PROZ: variants seen among roughly 807,000 people sequenced by gnomAD.
PROZ encodes the protein protein Z, vitamin K dependent plasma glycoprotein, also known as vitamin K-dependent protein Z.
PROZ carries 46 observed loss-of-function variants against 34.9 expected under a neutral mutation model. The ratio of observed to expected loss-of-function variants is 1.32; its 90% CI spans 1.04 to 1.69. The LOEUF (loss-of-function observed/expected upper bound fraction) is 1.69, where lower values mean the gene tolerates loss of function less well. Among genes scored for constraint, PROZ ranks in the 40% most tolerant of loss-of-function variants. The probability of loss-of-function intolerance (pLI) is 0.00; values close to 1 mark genes in which losing one functional copy is unlikely to be tolerated. For synonymous variants in PROZ, 195 were observed against 208.5 expected, an observed-to-expected ratio of 0.94 and a Z score of 0.56; for missense variants, 530 against 520.4, an observed-to-expected ratio of 1.02 and a Z score of -0.18.
intron 5 of PROZ, 95 bp from the exon 6 acceptor site, chr13:113,164,958 A>C: frequency 8.1e-7 from 1 of 1,241,676 alleles, no homozygotes; most frequent in Non-Finnish European, 1.2e-6. Context: ...TTAGTACCAT[A>C]GACGGAATTA....
intron 3 of PROZ, among the ~76,000 whole-genome samples, chr13:113,162,012 T>C (rs371752576): frequency 2.4e-3 from 4 of 1,656 alleles, no homozygotes; most frequent in Non-Finnish European, 0.028. Context: ...TGCCACCTCC[T>C]CACATCCTCC....
In PROZ at chr13:113,172,368, A is replaced by C; in HGVS notation, c.*263A>C. The C allele has an allele frequency of 2.3e-5, 11 of 481,196 alleles. No homozygotes were observed. The highest frequency in any genetic ancestry group is 8.2e-5 in the East Asian group (2 of 24,400). The allele number at this position is 481,196 out of a possible 1,614,324, so 29.8% of individuals were successfully genotyped here. On this transcript the variant is annotated 3_prime_UTR_variant, in exon 8 of 8. Transcript: ENST00000375547. ...ATACGTTAAATAATAAAATAAGATA[A>C]TCTGTCAGTCATAAAGCAGCCTGGT...
intron 6 of PROZ, among the ~76,000 whole-genome samples, chr13:113,166,732 C>T (rs979024207): frequency 6.6e-6 from 1 of 152,204 alleles, no homozygotes; most frequent in Non-Finnish European, 1.5e-5. Flanking sequence ...TTCTTCCTAT[C>T]GCTGTCTGCC....
At chr13:113,166,592 A>G (rs759905865) in intron 6 of PROZ, among the ~76,000 whole-genome samples, 4 of 152,248 alleles carry the variant, frequency 2.6e-5, no homozygotes, top group Admixed American at 6.5e-5. Context: ...GTGGAGAGGA[A>G]GAAACCGAAG....
At chr13:113,170,361 CT>C (rs2037075429) in intron 6 of PROZ, 51 bp from the exon 7 acceptor site, 3 of 1,172,400 alleles carry the variant, frequency 2.6e-6, no homozygotes, top group East Asian at 4.7e-5. Flanking sequence ...TTTACTGCCC[CT>C]AATCCTGCAA....
At position 113,172,020 on chromosome 13, in the gene PROZ, C is replaced by T. The variant is rs141423743; in HGVS notation, c.1118C>T (p.Ser373Leu). Residue 373 changes from serine (S) to leucine (L), a missense_variant, in exon 8 of 8, where the codon TCG (serine) becomes TTG (leucine). By Grantham distance (145) the Ser-to-Leu change is moderately radical (BLOSUM62 -2). Transcript: ENST00000375547. ...GSWFLTGVLG[S>L]QPVGGQAHMV... ...TGGTTTCTCACGGGGGTCCTGGGCT[C>T]GCAGCCAGTAGGAGGGCAGGCTCAC... The T allele has an allele frequency of 4.6e-5, 75 of 1,612,954 alleles. No homozygotes were observed. Among genetic ancestry groups the T allele is most frequent in the African/African-American group, 1.9e-4 (14 of 75,046 alleles).
rs45487304 is a variant in PROZ, at chr13:113,161,063, C to A, written c.259+91C>A. On this transcript the variant is annotated intron_variant, in intron 3 of 7. Coordinates refer to ENST00000375547, the MANE Select transcript of PROZ (RefSeq NM_003891.3). ...AGGACGCTTCACGACCCCAGCTCAG[C>A]GGATGCCAAGCCTCTGGCTCCAGGA... The A allele has an allele frequency of 2.4e-3, 2,826 of 1,157,118 alleles. 11 individuals carry two copies. The highest frequency in any genetic ancestry group is 2.8e-3 in the Non-Finnish European group (2,149 of 765,480). The allele number at this position is 1,157,118 out of a possible 1,614,324, so 71.7% of individuals were successfully genotyped here.
rs998316615 is a variant in PROZ at position 113,164,755 on chromosome 13, G to A, written c.505+111G>A. 4.0e-6 allele frequency: 6 copies of A among 1,507,572 alleles called. No individual in the cohort carries two copies. In the African/African-American group the frequency reaches 6.9e-5, roughly 17 times the overall value. The allele number at this position is 1,507,572 out of a possible 1,614,324, so 93.4% of individuals were successfully genotyped here. On this transcript the variant is annotated intron_variant, in intron 5 of 7. Transcript: ENST00000375547. ...GCCCGCGGATTTGTGATAAGCAGTT[G>A]CCACGACTCAGAAGGTGGTCCGCGT...
At position 113,171,449 on chromosome 13, in the gene PROZ, A is replaced by C. The variant is rs1247561904; in HGVS notation, c.692-145A>C. Reference sequence around the variant, plus strand: ...GGCCTTTCTGTCCGCAGAAAGGCACAGTGTCCACACCACGGGGCGGTGAGC... The same window carrying C: ...GGCCTTTCTGTCCGCAGAAAGGCACCGTGTCCACACCACGGGGCGGTGAGC... On this transcript the variant is annotated intron_variant, in intron 7 of 7. Transcript: ENST00000375547. This position sits in a 1 kb window ranked among gnomAD's most constrained non-coding sequence, Gnocchi z 5.1. 1 of 918,486 alleles carries C rather than the reference A, an allele frequency of 1.1e-6. No homozygotes were observed. The highest frequency in any genetic ancestry group is 2.4e-5 in the Admixed American group (1 of 42,380). The allele number at this position is 918,486 out of a possible 1,614,324, so 56.9% of individuals were successfully genotyped here.
chr13:113,159,343 T>TC lies in PROZ; in HGVS notation c.70+619dup, dbSNP rs1308731485. On this transcript the variant is annotated intron_variant, in intron 1 of 7. Transcript: ENST00000375547. The surrounding 1 kb of genome is among the most constrained non-coding windows in gnomAD (Gnocchi z 4.6). ...ATGGTCTCCCACCCTGAGAGGGTGA[T>TC]CCCCCCGCCCTGCCCTGCCCAGCAC... 4.3e-6 allele frequency: 6 copies of TC among 1,397,508 alleles called. No individual in the cohort carries two copies. The highest frequency in any genetic ancestry group is 1.4e-5 in the African/African-American group (1 of 69,372). The allele number at this position is 1,397,508 out of a possible 1,614,324, so 86.6% of individuals were successfully genotyped here. A position where few individuals can be genotyped will look rare whatever the true frequency, so the allele number is the denominator to read the frequency against.
chr13:113,168,475 C>T (rs1452058142), intron 6 of PROZ, among the ~76,000 whole-genome samples: 1 of 152,270 alleles, frequency 6.6e-6, no homozygotes, highest in South Asian at 2.1e-4. Flanking sequence ...CTTGGGCCTG[C>T]CCCACTGCCT....
rs200473651 is a variant in PROZ at position 113,171,849 on chromosome 13, C to A, written c.947C>A (p.Thr316Lys). ...ACTGACCTGGGCAACTCGCTGACCA[C>A]GCGGCCTGTCACACTTGTGGAGGGG... ...NGTDLGNSLT[T>K]RPVTLVEGEE... The change falls in exon 8 of 8, where the codon ACG becomes AAG. Residue 316 changes from threonine (T) to lysine (K), a missense_variant. Physicochemically the swap from Thr to Lys is moderately conservative, Grantham distance 78. Coordinates refer to ENST00000375547, the MANE Select transcript of PROZ (RefSeq NM_003891.3). The surrounding 1 kb of genome is among the most constrained non-coding windows in gnomAD (Gnocchi z 5.1). 7 of 1,613,514 alleles carry A rather than the reference C, an allele frequency of 4.3e-6. No individual in the cohort carries two copies. The highest frequency in any genetic ancestry group is 5.9e-6 in the Non-Finnish European group (7 of 1,180,042).
Position 113,159,929 on chromosome 13 carries a change from C to T in PROZ, c.71-85C>T, listed in dbSNP as rs533322243. 6.5e-6 allele frequency: 10 copies of T among 1,533,166 alleles called. No individual in the cohort carries two copies. The highest frequency in any genetic ancestry group is 2.7e-5 in the African/African-American group (2 of 73,294). 95.0% of individuals were successfully genotyped at this position (1,533,166 alleles called of 1,614,324 possible). On this transcript the variant is annotated intron_variant, in intron 1 of 7. Transcript: ENST00000375547. The surrounding 1 kb of genome is among the most constrained non-coding windows in gnomAD (Gnocchi z 4.6). ...TGGAGACGGACGGGGCTGGGGCTGG[C>T]GGCCGGCCGGGGAGGAAGCCAGGCA...
intron 4 of PROZ, 40 bp from the exon 5 acceptor site, chr13:113,164,473 T>C: frequency 6.2e-7 from 1 of 1,604,596 alleles, no homozygotes; most frequent in Non-Finnish European, 8.5e-7. Flanking sequence ...AAAATGACTA[T>C]TTCCAAGCTA....
intron 4 of PROZ, among the ~76,000 whole-genome samples, chr13:113,163,717 G>A (rs187115575): frequency 1.8e-4 from 28 of 151,760 alleles, no homozygotes; most frequent in African/African-American, 4.8e-4. Flanking sequence ...AATTTACCAC[G>A]TACCAAAGGG....
At position 113,165,130 on chromosome 13, in the gene PROZ, C is replaced by A. The variant is rs367569510; in HGVS notation, c.573+10C>A. The A allele has an allele frequency of 2.5e-6, 4 of 1,608,374 alleles. No homozygotes were observed. Among genetic ancestry groups the A allele is most frequent in the African/African-American group, 1.3e-5 (1 of 74,880 alleles). ...GGACCTCCCGTGGCAGGTAACAGAG[C>A]GCTCTCCGCGTGCTTCAATTTATTG... On this transcript the variant is annotated intron_variant, in intron 6 of 7. Transcript: ENST00000375547.
chr13:113,167,367 C>T (rs770185063), intron 6 of PROZ, among the ~76,000 whole-genome samples: 2 of 152,174 alleles, frequency 1.3e-5, no homozygotes, highest in African/African-American at 2.4e-5. Flanking sequence ...AACGACGCCA[C>T]GGTAAAGTTG....
intron 6 of PROZ, among the ~76,000 whole-genome samples, chr13:113,168,946 C>G (rs1232813718): frequency 6.6e-6 from 1 of 152,134 alleles, no homozygotes; most frequent in Non-Finnish European, 1.5e-5. Flanking sequence ...TCAGGCTGGT[C>G]TCAAACTCCT....
intron 4 of PROZ, 22 bp from the exon 5 acceptor site, chr13:113,164,491 C>CA: frequency 6.8e-7 from 1 of 1,463,890 alleles, no homozygotes; most frequent in South Asian, 1.2e-5. Context: ...CTAGCATTTC[C>CA]TTTTTTTTTT....
Sources: allele counts gnomAD v4.1 joint callset (sites outside exome capture counted in the v4.1 genomes callset), GRCh38; gene constraint gnomAD v4.1.1; non-coding constraint Gnocchi (gnomAD v3.1); transcripts MANE v1.5; gene names NCBI Gene and HGNC (gene_info 2026-07-23, HGNC 2026-07-21).